FKBP2: variants seen among roughly 807,000 people sequenced by gnomAD.
FKBP2 encodes the protein peptidyl-prolyl cis-trans isomerase FKBP2.
Under a neutral mutation model 19.4 loss-of-function variants are expected in FKBP2, and 15 were observed. That is an observed-to-expected ratio of 0.77 (90% confidence interval 0.52 to 1.19). The LOEUF (loss-of-function observed/expected upper bound fraction) is 1.19, where lower values mean the gene tolerates loss of function less well. Among genes scored for constraint, FKBP2 ranks in the 50% most tolerant of loss-of-function variants. The pLI is 0.00. For synonymous variants in FKBP2, 76 were observed against 74.8 expected, an observed-to-expected ratio of 1.02 and a Z score of -0.08; for missense variants, 170 against 179.0, an observed-to-expected ratio of 0.95 and a Z score of 0.29.
chr11:64,243,541 T>A (rs769187327), intron 4 of FKBP2, 44 bp downstream of exon 4: 2 of 1,608,414 alleles, frequency 1.2e-6, no homozygotes, highest in East Asian at 4.5e-5. Context: ...TTGGGGTGTG[T>A]GACTGGGAAG....
intron 2 of FKBP2, 59 bp downstream of exon 2, chr11:64,242,617 C>G: frequency 1.3e-6 from 2 of 1,488,482 alleles, no homozygotes; most frequent in Non-Finnish European, 1.8e-6. Context: ...CCAGAGAGTG[C>G]TTGGGAGTCT....
Position 64,243,213 on chromosome 11 carries a change from T to C in FKBP2, c.186T>C (p.Asp62=). The C allele has an allele frequency of 6.2e-7, 1 of 1,613,662 alleles. No homozygotes were observed. The highest frequency in any genetic ancestry group is 2.2e-5 in the East Asian group (1 of 44,880). ...TGGTTCCACAGGGGAAGCTGGAAGA[T>C]GGGACAGAGTTTGACAGCAGCCTGC... is the stretch of plus-strand genomic sequence containing the variant. ...LHMHYTGKLE[D]GTEFDSSLPQ... Residue 62 remains aspartate, a synonymous_variant, in exon 3 of 6, where the codon GAT becomes GAC. Coordinates refer to ENST00000309366, the MANE Select transcript of FKBP2 (RefSeq NM_004470.4).
intron 2 of FKBP2, 107 bp downstream of exon 2, chr11:64,242,665 C>T (rs2030602321): frequency 1.7e-6 from 2 of 1,210,798 alleles, no homozygotes; most frequent in Admixed American, 3.3e-5. Flanking sequence ...TTGGGCAAGT[C>T]CCCTCTCGCC....
chr11:64,242,177 C>T, intron 1 of FKBP2: 1 of 490,000 alleles, frequency 2.0e-6, no homozygotes, highest in Non-Finnish European at 3.5e-6. Context: ...CCCCCCGCTG[C>T]TGGGGTCCTC....
At chr11:64,241,597 C>A (rs373514145) in intron 1 of FKBP2, 1 of 152,610 alleles carries the variant, frequency 6.6e-6, no homozygotes. Context: ...GGGCTGCAGG[C>A]CCGGGGGCGG....
rs2030700215 is a variant in FKBP2, at chr11:64,243,613, T to G, written c.331+116T>G. The G allele has an allele frequency of 2.0e-5, 28 of 1,371,334 alleles. No homozygotes were observed. The South Asian group carries it at 3.4e-4, about 17-fold the overall frequency. The allele number at this position is 1,371,334 out of a possible 1,614,324, so 84.9% of individuals were successfully genotyped here. A position where few individuals can be genotyped will look rare whatever the true frequency, so the allele number is the denominator to read the frequency against. ...GTATCCATTCATTACAATACATGCC[T>G]CCTCCAAGTTTGGCTGTGTCTAGCA... On this transcript the variant is annotated intron_variant, in intron 4 of 5. Transcript: ENST00000309366.
intron 2 of FKBP2, among the ~76,000 whole-genome samples, 164 bp downstream of exon 2, chr11:64,242,722 G>A (rs1214945603): frequency 1.3e-5 from 2 of 152,200 alleles, no homozygotes; most frequent in African/African-American, 4.8e-5. Context: ...CTACTGCCCA[G>A]GTGGGCACCA....
At position 64,244,102 on chromosome 11, in the gene FKBP2, AAAAC is replaced by A. The variant is rs1289138441; in HGVS notation, c.*81_*84del. 1.8e-5 allele frequency: 28 copies of A among 1,537,030 alleles called. No individual in the cohort carries two copies. Among genetic ancestry groups the A allele is most frequent in the Middle Eastern group, 2.2e-4 (1 of 4,620 alleles). ...TGTTCCAAAAAAAAAACAAAAAACA[AAAAC>A]AAACAAAAAAACACTTAAAAGCCCA... is the stretch of plus-strand genomic sequence containing the variant. On this transcript the variant is annotated 3_prime_UTR_variant, in exon 6 of 6. Coordinates refer to ENST00000309366, the MANE Select transcript of FKBP2 (RefSeq NM_004470.4).
At chr11:64,243,802 T>C in intron 4 of FKBP2, 39 bp from the exon 5 acceptor site, 2 of 1,613,172 alleles carry the variant, frequency 1.2e-6, no homozygotes, top group African/African-American at 1.3e-5. Flanking sequence ...GGAAGGGAGC[T>C]TGGCCATCAC....
Position 64,242,447 on chromosome 11 carries a change from C to T in FKBP2, c.60C>T (p.Ala20=), listed in dbSNP as rs368749142. The change falls in exon 2 of 6, where the codon GCC becomes GCT. Residue 20 remains alanine (A), a synonymous_variant. Coordinates refer to ENST00000309366, the MANE Select transcript of FKBP2 (RefSeq NM_004470.4). The stretch of plus-strand genomic sequence containing the variant: ...TGTCCATCTGCCTGAGCGCCGTGGC[C>T]ACGGCCACGGGGGCCGAGGGCAAAA... ...TVLSICLSAV[A]TATGAEGKRK... 13 of 1,550,352 alleles carry T rather than the reference C, an allele frequency of 8.4e-6. No homozygotes were observed. The African/African-American group carries it at 1.9e-4, about 22-fold the overall frequency.
Position 64,243,494 on chromosome 11 carries a change from C to G in FKBP2, c.328C>G (p.Leu110Val). ...EKRKLVIPSE[L>V]GYGERGAPPK... is the part of the protein sequence containing the mutation. ...GCGCAAGCTGGTGATCCCATCCGAGCTAGGTAAGAGGCCCCTCCTGAGGGT... is the reference window on the plus strand; with the variant it reads ...GCGCAAGCTGGTGATCCCATCCGAGGTAGGTAAGAGGCCCCTCCTGAGGGT... Residue 110 changes from leucine to valine, a missense_variant, in exon 4 of 6, where the codon CTA (leucine) becomes GTA (valine). By Grantham distance (32) the Leu-to-Val change is conservative. Transcript: ENST00000309366. The G allele has an allele frequency of 6.2e-7, 1 of 1,613,766 alleles. No individual in the cohort carries two copies. Among genetic ancestry groups the G allele is most frequent in the Non-Finnish European group, 8.5e-7 (1 of 1,180,018 alleles).
At chr11:64,243,129 G>C in intron 2 of FKBP2, 70 bp from the exon 3 acceptor site, 1 of 1,420,232 alleles carries the variant, frequency 7.0e-7, no homozygotes, top group African/African-American at 1.4e-5. Context: ...GCTTGATGGG[G>C]AAAGCAGCTG....
At position 64,244,023 on chromosome 11, in the gene FKBP2, G is replaced by A; in HGVS notation, c.423G>A (p.Glu141=). 2 of 1,613,912 alleles carry A rather than the reference G, an allele frequency of 1.2e-6. No homozygotes were observed. The highest frequency in any genetic ancestry group is 8.5e-7 in the Non-Finnish European group (1 of 1,179,942). Reference sequence around the variant, plus strand: ...TGCTCAAAATAGAGCGACGAACTGAGCTGTAACCAGACTGGGGAGGGGCAG... The same window carrying A: ...TGCTCAAAATAGAGCGACGAACTGAACTGTAACCAGACTGGGGAGGGGCAG... The part of the protein sequence containing the change: ...VELLKIERRT[E]L The change falls in exon 6 of 6, where the codon GAG becomes GAA. Residue 141 remains glutamate (E), a synonymous_variant. Coordinates refer to ENST00000309366, the MANE Select transcript of FKBP2 (RefSeq NM_004470.4).
rs768548566 is a variant in FKBP2, at chr11:64,243,203, A to G, written c.176A>G (p.Lys59Arg). 6.2e-7 allele frequency: 1 copy of G among 1,613,622 alleles called. No homozygotes were observed. Among genetic ancestry groups the G allele is most frequent in the Non-Finnish European group, 8.5e-7 (1 of 1,179,918 alleles). Residue 59 changes from lysine (K) to arginine (R), a missense_variant, in exon 3 of 6, where the codon AAG (lysine) becomes AGG (arginine). Coordinates refer to ENST00000309366, the MANE Select transcript of FKBP2 (RefSeq NM_004470.4). Reference sequence around the variant, plus strand: ...GGCCTTCTCATGGTTCCACAGGGGAAGCTGGAAGATGGGACAGAGTTTGAC... The same window carrying G: ...GGCCTTCTCATGGTTCCACAGGGGAGGCTGGAAGATGGGACAGAGTTTGAC... ...GDVLHMHYTGKLEDGTEFDSS... is the reference protein window; with the variant it reads ...GDVLHMHYTGRLEDGTEFDSS...
At chr11:64,243,385 A>G in intron 3 of FKBP2, 66 bp from the exon 4 acceptor site, 1 of 1,608,912 alleles carries the variant, frequency 6.2e-7, no homozygotes, top group East Asian at 2.2e-5. Flanking sequence ...TGTGGGAGGC[A>G]AGCCCCAGGG....
chr11:64,243,107 C>A (rs1489984133), intron 2 of FKBP2, 92 bp from the exon 3 acceptor site: 4 of 1,099,940 alleles, frequency 3.6e-6, no homozygotes, highest in Non-Finnish European at 5.5e-6. Context: ...TGTGGGTGGG[C>A]GTGGGGGGGC....
At position 64,243,842 on chromosome 11, in the gene FKBP2, G is replaced by A; in HGVS notation, c.333G>A (p.Gly111=). The change falls in exon 5 of 6, where the codon GGG becomes GGA. Residue 111 remains glycine, a splice_region_variant and synonymous_variant. Transcript: ENST00000309366. ...TGTTTCTTTGTGCATCTTCAACAGG[G>A]TATGGAGAGCGGGGAGCTCCCCCAA... ...KRKLVIPSEL[G]YGERGAPPKI... The A allele has an allele frequency of 1.9e-6, 3 of 1,614,142 alleles. No individual in the cohort carries two copies. Among genetic ancestry groups the A allele is most frequent in the Non-Finnish European group, 2.5e-6 (3 of 1,180,002 alleles).
chr11:64,243,818 G>A, intron 4 of FKBP2, 23 bp from the exon 5 acceptor site: 1 of 1,613,364 alleles, frequency 6.2e-7, no homozygotes, highest in Non-Finnish European at 8.5e-7. Context: ...ATCACTGACT[G>A]TTTCTTTGTG....
chr11:64,243,090 C>A, intron 2 of FKBP2, 109 bp from the exon 3 acceptor site: 1 of 960,814 alleles, frequency 1.0e-6, no homozygotes, highest in Admixed American at 1.8e-5. Flanking sequence ...GGACTGACCA[C>A]CAGGGCTGTG....
Sources: gnomAD v4.1 joint callset for allele counts (sites outside exome capture counted in the v4.1 genomes callset) on GRCh38, gnomAD v4.1.1 for gene constraint, MANE v1.5 for transcripts, NCBI Gene and HGNC (gene_info 2026-07-23, HGNC 2026-07-21) for gene names.